KDM2A: variants seen among roughly 807,000 people sequenced by gnomAD.
KDM2A encodes lysine demethylase 2A, also known as lysine-specific demethylase 2A.
A neutral mutation model predicts 137.3 loss-of-function variants in KDM2A; 3 were observed. The observed-to-expected ratio is 0.02, with a 90% CI of 0.01 to 0.06. The LOEUF (loss-of-function observed/expected upper bound fraction) is 0.06, where lower values mean the gene tolerates loss of function less well. Ranked by LOEUF, KDM2A falls within the 10% of genes least tolerant of loss-of-function variation. The pLI, the probability that KDM2A is intolerant of heterozygous loss-of-function variation, is 1.00. For synonymous variants in KDM2A, 512 were observed against 541.5 expected, an observed-to-expected ratio of 0.95 and a Z score of 0.76; for missense variants, 738 against 1,510.6, an observed-to-expected ratio of 0.49 and a Z score of 8.48.
At chr11:67,204,214 ACATTT>A (rs1449050846) in intron 5 of KDM2A, among the ~76,000 whole-genome samples, 1 of 152,130 alleles carries the variant, frequency 6.6e-6, no homozygotes, top group Admixed American at 6.6e-5. Flanking sequence ...TTTGCATAGA[ACATTT>A]CATTGTCATG....
At chr11:67,124,228 T>G (rs1423065028) in intron 2 of KDM2A, among the ~76,000 whole-genome samples, 1 of 152,188 alleles carries the variant, frequency 6.6e-6, no homozygotes, top group African/African-American at 2.4e-5. Context: ...GGTCTTGAAC[T>G]CCTGACCTCA....
chr11:67,200,244 C>G (rs1391002466), intron 5 of KDM2A, among the ~76,000 whole-genome samples: 2 of 151,756 alleles, frequency 1.3e-5, no homozygotes, highest in African/African-American at 4.8e-5. Flanking sequence ...TAGACGGAGT[C>G]TCTCTCTGTT....
intron 2 of KDM2A, among the ~76,000 whole-genome samples, chr11:67,121,950 G>C (rs2136274505): frequency 6.6e-6 from 1 of 152,144 alleles, no homozygotes; most frequent in East Asian, 1.9e-4. Flanking sequence ...AGAAATTTTA[G>C]ACATGATTTG....
chr11:67,155,447 T>C (rs1353157333), intron 2 of KDM2A, among the ~76,000 whole-genome samples: 1 of 152,042 alleles, frequency 6.6e-6, no homozygotes, highest in South Asian at 2.1e-4. Context: ...TATCTGGGGC[T>C]GTAGGCAGGT....
Position 67,252,872 on chromosome 11 carries a change from C to G in KDM2A, c.2932+15C>G. On this transcript the variant is annotated intron_variant, in intron 18 of 20. Coordinates refer to ENST00000529006, the MANE Select transcript of KDM2A (RefSeq NM_012308.3). Reference sequence around the variant, plus strand: ...TAGGCTGCCAGGTAAGTGAGCAGCCCTGCCGCTGTCTTTCCAGGGGCCCAG... The same window carrying G: ...TAGGCTGCCAGGTAAGTGAGCAGCCGTGCCGCTGTCTTTCCAGGGGCCCAG... 6.3e-7 allele frequency: 1 copy of G among 1,590,480 alleles called. No individual in the cohort carries two copies. The highest frequency in any genetic ancestry group is 1.3e-5 in the African/African-American group (1 of 74,098).
chr11:67,221,273 T>C (rs141598059), intron 10 of KDM2A, among the ~76,000 whole-genome samples: 125 of 152,342 alleles, frequency 8.2e-4, no homozygotes, highest in African/African-American at 2.9e-3. Context: ...AGCAGAATAC[T>C]AAGCTAGTAT....
At position 67,257,556 on chromosome 11, in the gene KDM2A, G is replaced by A. The variant is rs1387972839; in HGVS notation, c.*2501G>A. On this transcript the variant is annotated 3_prime_UTR_variant, in exon 21 of 21. Coordinates refer to ENST00000529006, the MANE Select transcript of KDM2A (RefSeq NM_012308.3). ...CCCTGCCTCCATCTTTCCAAGCACC[G>A]GGGCGAAAAACCACAAAGGAAAGGA... 3 of 152,270 alleles carry A rather than the reference G, an allele frequency of 2.0e-5. No homozygotes were observed. The highest frequency in any genetic ancestry group is 6.6e-5 in the Admixed American group (1 of 15,240). The allele number at this position is 152,270 out of a possible 1,614,324, so 9.4% of individuals were successfully genotyped here.
chr11:67,211,419 G>A (rs1218691367), intron 6 of KDM2A, among the ~76,000 whole-genome samples: 2 of 151,690 alleles, frequency 1.3e-5, no homozygotes, highest in African/African-American at 4.8e-5. Flanking sequence ...TTCAAAACCA[G>A]CCTGGCCAAC....
chr11:67,194,736 C>T (rs1052313241), intron 5 of KDM2A, among the ~76,000 whole-genome samples: 2 of 152,162 alleles, frequency 1.3e-5, no homozygotes, highest in Non-Finnish European at 2.9e-5. Context: ...AGGATAGATC[C>T]ACAACCTGCT....
intron 2 of KDM2A, among the ~76,000 whole-genome samples, chr11:67,146,224 A>T (rs1590721186): frequency 6.6e-6 from 1 of 151,444 alleles, no homozygotes; most frequent in South Asian, 2.1e-4. Context: ...CAATCTCCTG[A>T]CCTCCTGATC....
At chr11:67,153,839 AC>A (rs1856454036) in intron 2 of KDM2A, among the ~76,000 whole-genome samples, 1 of 151,838 alleles carries the variant, frequency 6.6e-6, no homozygotes, top group Non-Finnish European at 1.5e-5. Flanking sequence ...AACACCAAAA[AC>A]AACCAACTGT....
intron 2 of KDM2A, among the ~76,000 whole-genome samples, chr11:67,172,732 TTTTCTTGCCTAATTGCCATAGCTAGAAA>T: frequency 6.6e-6 from 1 of 152,198 alleles, no homozygotes; most frequent in Non-Finnish European, 1.5e-5. Context: ...AAACTTTTCT[TTTTCTTGCCTAATTGCCATAGCTAGAAA>T]TTTCTTGCCT....
chr11:67,251,783 TCA>T (rs1174790560), intron 17 of KDM2A, among the ~76,000 whole-genome samples: 1 of 152,222 alleles, frequency 6.6e-6, no homozygotes, highest in African/African-American at 2.4e-5. Flanking sequence ...TAAAATTGTT[TCA>T]GTCTCTAAAT....
chr11:67,212,801 C>CA (rs756179125), intron 6 of KDM2A, among the ~76,000 whole-genome samples: 37 of 151,968 alleles, frequency 2.4e-4, no homozygotes, highest in Non-Finnish European at 4.6e-4. Context: ...AAAAAATACT[C>CA]ATATGTTCTG....
At chr11:67,227,989 C>G (rs1565414322) in intron 10 of KDM2A, 48 bp from the exon 11 acceptor site, 3 of 1,573,530 alleles carry the variant, frequency 1.9e-6, no homozygotes, top group Non-Finnish European at 1.7e-6. Context: ...TTGTTGTACT[C>G]TCTTTCCTTG....
intron 10 of KDM2A, among the ~76,000 whole-genome samples, chr11:67,227,398 CAG>C (rs1858579184): frequency 6.6e-6 from 1 of 152,096 alleles, no homozygotes; most frequent in Non-Finnish European, 1.5e-5. Context: ...CCTTCTGATT[CAG>C]GGGCAAATAT....
intron 6 of KDM2A, among the ~76,000 whole-genome samples, chr11:67,211,342 G>A (rs533293164): frequency 1.3e-5 from 2 of 151,778 alleles, no homozygotes; most frequent in African/African-American, 4.8e-5. Context: ...AGCCAGGTGC[G>A]GTAGCTCACG....
At chr11:67,240,027 T>C in intron 12 of KDM2A, 4 of 1,296,884 alleles carry the variant, frequency 3.1e-6, no homozygotes, top group African/African-American at 1.5e-5. Context: ...CTCGCTCGGC[T>C]CCCCCTCCTG....
intron 2 of KDM2A, among the ~76,000 whole-genome samples, chr11:67,153,889 A>C (rs1457344225): frequency 6.6e-6 from 1 of 151,020 alleles, no homozygotes; most frequent in South Asian, 2.1e-4. Context: ...TTTATTTTTA[A>C]TTGTCACATT....
Sources: allele counts gnomAD v4.1 joint callset (sites outside exome capture counted in the v4.1 genomes callset), GRCh38; gene constraint gnomAD v4.1.1; transcripts MANE v1.5; gene names NCBI Gene and HGNC (gene_info 2026-07-23, HGNC 2026-07-21).